The following WDR48 variants were observed in gnomAD, a reference collection of about 807,000 sequenced individuals.
WDR48 encodes WD repeat domain 48.
WDR48 carries 22 observed loss-of-function variants against 94.0 expected under a neutral mutation model. The observed-to-expected ratio is 0.23, with a 90% confidence interval of 0.17 to 0.33. The LOEUF (loss-of-function observed/expected upper bound fraction) is 0.33. Ranked by LOEUF, WDR48 falls within the 10% of genes least tolerant of loss-of-function variation. The pLI is 1.00. For synonymous variants in WDR48, 278 were observed against 280.5 expected, an observed-to-expected ratio of 0.99 and a Z score of 0.09; for missense variants, 541 against 813.8, an observed-to-expected ratio of 0.66 and a Z score of 4.08.
rs746316004 is a variant in WDR48, at chr3:39,084,626, A to G, written c.1282-19A>G. The G allele has an allele frequency of 1.9e-6, 3 of 1,605,636 alleles. No individual in the cohort carries two copies. The highest frequency in any genetic ancestry group is 1.1e-5 in the South Asian group (1 of 90,382). Reference sequence around the variant, plus strand: ...GAATATATTCAAATGGGATGCCACTAAGTTTTTTCTTTTGATAGATGTTAA... The same window carrying G: ...GAATATATTCAAATGGGATGCCACTGAGTTTTTTCTTTTGATAGATGTTAA... On this transcript the variant is annotated intron_variant, in intron 12 of 18. Transcript: ENST00000302313.
At chr3:39,061,495 A>G (rs1038657556) in intron 1 of WDR48, among the ~76,000 whole-genome samples, 5 of 152,060 alleles carry the variant, frequency 3.3e-5, no homozygotes, top group Non-Finnish European at 7.3e-5. Context: ...AATTCAGTCT[A>G]TCATTGATGG....
chr3:39,075,630 G>A (rs959296958), intron 8 of WDR48, among the ~76,000 whole-genome samples: 2 of 152,078 alleles, frequency 1.3e-5, no homozygotes, highest in African/African-American at 4.8e-5. Flanking sequence ...ATGGCCAGTC[G>A]ACATGTTCAA....
chr3:39,077,312 T>A, intron 9 of WDR48, 99 bp downstream of exon 9: 1 of 1,329,762 alleles, frequency 7.5e-7, no homozygotes. Flanking sequence ...GCCCTAACTC[T>A]AGCATGCTTT....
intron 1 of WDR48, among the ~76,000 whole-genome samples, chr3:39,056,988 G>A (rs977142355): frequency 6.6e-6 from 1 of 152,134 alleles, no homozygotes; most frequent in Non-Finnish European, 1.5e-5. Context: ...GAAAATAAAG[G>A]GGTGGGGGTG....
At position 39,066,676 on chromosome 3, in the gene WDR48, T is replaced by G. The variant is rs369292985; in HGVS notation, c.351+46T>G. The G allele has an allele frequency of 5.0e-5, 80 of 1,613,192 alleles. 1 individual carries two copies. Among genetic ancestry groups the G allele is most frequent in the East Asian group, 4.9e-4 (22 of 44,828 alleles). On this transcript the variant is annotated intron_variant, in intron 4 of 18. Transcript: ENST00000302313. Reference sequence around the variant, plus strand: ...GTGTCTTTAGTGTAATATTGGGATCTCAGTACTTTGTGTGGCTCATTTTAT... The same window carrying G: ...GTGTCTTTAGTGTAATATTGGGATCGCAGTACTTTGTGTGGCTCATTTTAT...
At chr3:39,060,614 T>C (rs1266716428) in intron 1 of WDR48, among the ~76,000 whole-genome samples, 1 of 152,226 alleles carries the variant, frequency 6.6e-6, no homozygotes, top group Non-Finnish European at 1.5e-5. Context: ...AAGATTACCA[T>C]CTTTCTTGGC....
chr3:39,085,816 T>C (rs570906333), intron 14 of WDR48, among the ~76,000 whole-genome samples: 5 of 151,788 alleles, frequency 3.3e-5, no homozygotes, highest in East Asian at 1.9e-4. Flanking sequence ...CCTTATGATA[T>C]GGCTTTTAGT....
At position 39,066,839 on chromosome 3, in the gene WDR48, C is replaced by T. The variant is rs1338668157; in HGVS notation, c.445C>T (p.Leu149=). 4 of 1,613,822 alleles carry T rather than the reference C, an allele frequency of 2.5e-6. No individual in the cohort carries two copies. The Admixed American group carries it at 5.0e-5, about 20-fold the overall frequency. Residue 149 remains leucine, a synonymous_variant, in exon 5 of 19, where the codon CTA becomes TTA. Coordinates refer to ENST00000302313, the MANE Select transcript of WDR48 (RefSeq NM_020839.4). The part of the protein sequence containing the change: ...RQIFLWDVNT[L]TALTASNNTV... Reference sequence around the variant, plus strand: ...AATATTCCTTTGGGATGTGAATACTCTAACAGCATTGACTGCCTCAAATAA... The same window carrying T: ...AATATTCCTTTGGGATGTGAATACTTTAACAGCATTGACTGCCTCAAATAA...
intron 1 of WDR48, among the ~76,000 whole-genome samples, chr3:39,054,066 T>C (rs2032685534): frequency 6.6e-6 from 1 of 152,244 alleles, no homozygotes; most frequent in Non-Finnish European, 1.5e-5. Flanking sequence ...TCGGAATTTG[T>C]CCCTAAGGTA....
chr3:39,065,935 G>GT (rs768657782), intron 3 of WDR48, 46 bp downstream of exon 3: 18 of 1,447,898 alleles, frequency 1.2e-5, no homozygotes, highest in Admixed American at 9.6e-5. Context: ...TATATTTTTT[G>GT]TTTTTTATAT....
chr3:39,078,986 C>T (rs1396807822), intron 10 of WDR48, among the ~76,000 whole-genome samples: 16 of 149,866 alleles, frequency 1.1e-4, no homozygotes, highest in Admixed American at 4.0e-4. Context: ...GCCGAGATCC[C>T]GCCACTGCAC....
intron 10 of WDR48, among the ~76,000 whole-genome samples, chr3:39,079,495 A>G (rs1158657912): frequency 6.6e-6 from 1 of 152,228 alleles, no homozygotes; most frequent in East Asian, 1.9e-4. Flanking sequence ...TATTAAAATC[A>G]GATAGTTTTT....
At chr3:39,087,998 C>A in intron 14 of WDR48, 130 bp from the exon 15 acceptor site, 2 of 781,032 alleles carry the variant, frequency 2.6e-6, no homozygotes, top group Non-Finnish European at 4.1e-6. Flanking sequence ...ACCTTTATTT[C>A]TAACTCTGGT....
At chr3:39,087,799 ACT>A (rs2034888273) in intron 14 of WDR48, 1 of 172,728 alleles carries the variant, frequency 5.8e-6, no homozygotes, top group African/African-American at 2.4e-5. Flanking sequence ...AAACAAAAAA[ACT>A]CTAGATCTTC....
intron 1 of WDR48, 33 bp downstream of exon 1, chr3:39,052,106 G>A: frequency 6.2e-7 from 1 of 1,612,222 alleles, no homozygotes; most frequent in Non-Finnish European, 8.5e-7. Context: ...TCTTCCGGAC[G>A]CGGCCGGCAG....
chr3:39,092,837 TCAC>T (rs777977427), intron 17 of WDR48, among the ~76,000 whole-genome samples: 2 of 151,198 alleles, frequency 1.3e-5, no homozygotes, highest in Non-Finnish European at 2.9e-5. Context: ...ACATTTTGCT[TCAC>T]CTATACCTCT....
Position 39,052,088 on chromosome 3 carries a change from T to C in WDR48, c.48+15T>C, listed in dbSNP as rs781443669. The C allele has an allele frequency of 1.2e-6, 2 of 1,612,834 alleles. No homozygotes were observed. The highest frequency in any genetic ancestry group is 2.7e-5 in the African/African-American group (2 of 74,830). On this transcript the variant is annotated intron_variant, in intron 1 of 18. Transcript: ENST00000302313. ...GGAAAGTGCAGGTATGGAAGCCCGG[T>C]TCCTCGGTCTTCCGGACGCGGCCGG...
chr3:39,086,070 C>CA (rs751528347), intron 14 of WDR48, among the ~76,000 whole-genome samples: 1 of 151,492 alleles, frequency 6.6e-6, no homozygotes, highest in Admixed American at 6.6e-5. Flanking sequence ...GACTCTGTTT[C>CA]AAAAAAAAAT....
At chr3:39,087,974 T>G in intron 14 of WDR48, 154 bp from the exon 15 acceptor site, 1 of 646,700 alleles carries the variant, frequency 1.5e-6, no homozygotes, top group Non-Finnish European at 2.6e-6. Flanking sequence ...TTTCAGAAAT[T>G]TAACTTGTTT....
Sources: gnomAD v4.1 joint callset for allele counts (sites outside exome capture counted in the v4.1 genomes callset) on GRCh38, gnomAD v4.1.1 for gene constraint, MANE v1.5 for transcripts, NCBI Gene and HGNC (gene_info 2026-07-23, HGNC 2026-07-21) for gene names.